CDKAL1: variants seen among roughly 807,000 people sequenced by gnomAD.
The protein encoded by CDKAL1 is CDKAL1 threonylcarbamoyladenosine tRNA methylthiotransferase.
Under a neutral mutation model 68.2 loss-of-function variants are expected in CDKAL1, and 32 were observed. The ratio of observed to expected loss-of-function variants is 0.47; its 90% CI spans 0.35 to 0.63. The LOEUF is 0.63. Among genes scored for constraint, CDKAL1 ranks in the 30% least tolerant of loss-of-function variants. The probability of loss-of-function intolerance (pLI) is 0.00; values close to 1 mark genes in which losing one functional copy is unlikely to be tolerated. For synonymous variants in CDKAL1, 234 were observed against 244.3 expected (o/e 0.96, Z 0.39); for missense variants, 606 against 696.7 (o/e 0.87, Z 1.47).
intron 13 of CDKAL1, among the ~76,000 whole-genome samples, chr6:21,114,247 CAAA>C (rs55859447): frequency 0.052 from 5,297 of 101,586 alleles, 275 homozygotes; most frequent in East Asian, 0.38. Context: ...GACTCTGTCT[CAAA>C]AAAAAAAAAA....
chr6:20,733,588 G>A (rs1212447809), intron 5 of CDKAL1, among the ~76,000 whole-genome samples: 1 of 152,176 alleles, frequency 6.6e-6, no homozygotes, highest in Non-Finnish European at 1.5e-5. Flanking sequence ...AGGTCCATTT[G>A]TGCAAATGAA....
At chr6:21,106,525 A>G (rs541764306) in intron 12 of CDKAL1, among the ~76,000 whole-genome samples, 26 of 152,330 alleles carry the variant, frequency 1.7e-4, no homozygotes, top group African/African-American at 6.3e-4. Context: ...GCAGTGAGCG[A>G]TGATTGTGCC....
chr6:21,135,773 C>A (rs997076421), intron 13 of CDKAL1: 3 of 883,296 alleles, frequency 3.4e-6, no homozygotes, highest in African/African-American at 3.6e-5. Flanking sequence ...GCCAGAAAGA[C>A]AGCTTTCAAG....
At chr6:21,071,942 T>C (rs1333321645) in intron 12 of CDKAL1, among the ~76,000 whole-genome samples, 5 of 152,212 alleles carry the variant, frequency 3.3e-5, no homozygotes, top group Non-Finnish European at 5.9e-5. Flanking sequence ...GTTTCCATAG[T>C]GTGAATACTT....
chr6:20,974,978 CAAAAA>C (rs11330322), intron 10 of CDKAL1, among the ~76,000 whole-genome samples: 3 of 62,912 alleles, frequency 4.8e-5, no homozygotes, highest in African/African-American at 6.4e-5. Context: ...GACCCTATCT[CAAAAA>C]AAAAAAAAAA....
chr6:20,727,581 T>C (rs1041145650), intron 5 of CDKAL1, among the ~76,000 whole-genome samples: 14 of 152,146 alleles, frequency 9.2e-5, no homozygotes, highest in Non-Finnish European at 1.6e-4. Flanking sequence ...AACTAGAGTC[T>C]TTTCAGGTGC....
At chr6:20,596,280 G>T (rs943228075) in intron 4 of CDKAL1, among the ~76,000 whole-genome samples, 3 of 152,176 alleles carry the variant, frequency 2.0e-5, no homozygotes, top group Non-Finnish European at 2.9e-5. Context: ...CTTCCCCCAG[G>T]TGCTCTGTCC....
rs916839331 is a variant in CDKAL1 at position 20,911,955 on chromosome 6, C to T, written c.743-43464C>T. On this transcript the variant is annotated intron_variant, in intron 9 of 15. Coordinates refer to ENST00000274695, the MANE Select transcript of CDKAL1 (RefSeq NM_017774.3). ...TTTTTATTGGGTGGAGGAGTTTCTC[C>T]AGGCTATTTCTGTGAATGAGAGATC... Among the ~76,000 whole-genome samples, 13 of 152,220 alleles carry T rather than the reference C, an allele frequency of 8.5e-5. No homozygotes were observed. The South Asian group carries it at 2.5e-3, about 29-fold the overall frequency.
At chr6:21,120,442 G>A (rs1032847377) in intron 13 of CDKAL1, among the ~76,000 whole-genome samples, 1 of 152,222 alleles carries the variant, frequency 6.6e-6, no homozygotes. Flanking sequence ...AGCTGTGGGA[G>A]AATGTCCTAA....
chr6:20,748,226 T>C (rs749386013), intron 6 of CDKAL1, among the ~76,000 whole-genome samples: 3 of 152,192 alleles, frequency 2.0e-5, no homozygotes, highest in Non-Finnish European at 2.9e-5. Flanking sequence ...CAGTGGTTTG[T>C]GCCTGTAATT....
intron 12 of CDKAL1, among the ~76,000 whole-genome samples, chr6:21,099,045 G>A (rs1257744273): frequency 6.6e-6 from 1 of 152,118 alleles, no homozygotes; most frequent in Non-Finnish European, 1.5e-5. Flanking sequence ...CTAAACTGTG[G>A]CTTCACATTC....
intron 11 of CDKAL1, among the ~76,000 whole-genome samples, chr6:21,064,591 A>G (rs1387041466): frequency 6.6e-6 from 1 of 152,218 alleles, no homozygotes; most frequent in African/African-American, 2.4e-5. Flanking sequence ...ACAAAACTGA[A>G]TAGTATATCA....
At chr6:21,145,571 T>C (rs1272511938) in intron 13 of CDKAL1, among the ~76,000 whole-genome samples, 1 of 152,186 alleles carries the variant, frequency 6.6e-6, no homozygotes, top group Admixed American at 6.5e-5. Flanking sequence ...CAACAAAGAA[T>C]GGTAAATCAG....
chr6:21,219,033 G>C (rs1157202192), intron 15 of CDKAL1, among the ~76,000 whole-genome samples: 1 of 152,074 alleles, frequency 6.6e-6, no homozygotes, highest in African/African-American at 2.4e-5. Context: ...AGGGAGAATG[G>C]GCATGTCTTG....
chr6:20,715,356 T>C (rs1296089219), intron 5 of CDKAL1, among the ~76,000 whole-genome samples: 1 of 152,238 alleles, frequency 6.6e-6, no homozygotes, highest in East Asian at 1.9e-4. Context: ...CATAGCCTAA[T>C]ATCCTTCAGG....
chr6:20,963,007 A>G (rs1194148960), intron 10 of CDKAL1, among the ~76,000 whole-genome samples: 2 of 152,172 alleles, frequency 1.3e-5, no homozygotes, highest in African/African-American at 2.4e-5. Flanking sequence ...GTCTTTCTGA[A>G]TATTAAAGAG....
At chr6:21,181,813 A>G (rs950994545) in intron 13 of CDKAL1, among the ~76,000 whole-genome samples, 1 of 152,226 alleles carries the variant, frequency 6.6e-6, no homozygotes, top group Non-Finnish European at 1.5e-5. Context: ...CTCTACTGGT[A>G]AGTGAATGGT....
chr6:20,541,873 T>A (rs982347179), intron 2 of CDKAL1, among the ~76,000 whole-genome samples: 11 of 152,358 alleles, frequency 7.2e-5, no homozygotes, highest in Admixed American at 5.2e-4. Context: ...TTGGTCAGGC[T>A]GGTCATGAAC....
chr6:21,192,315 C>A (rs1778289039), intron 13 of CDKAL1, among the ~76,000 whole-genome samples: 1 of 151,980 alleles, frequency 6.6e-6, no homozygotes. Context: ...GCCACCGCGC[C>A]CGGCCATAAT....
Sources: allele counts gnomAD v4.1 joint callset (sites outside exome capture counted in the v4.1 genomes callset), GRCh38; gene constraint gnomAD v4.1.1; transcripts MANE v1.5; gene names NCBI Gene and HGNC (gene_info 2026-07-23, HGNC 2026-07-21).